The following TENM3 variants were observed in gnomAD, a reference collection of about 807,000 sequenced individuals.
TENM3 encodes the protein teneurin-3.
TENM3 carries 63 observed loss-of-function variants against 255.1 expected under a neutral mutation model. The observed-to-expected ratio is 0.25, with a 90% CI of 0.20 to 0.30. The LOEUF (loss-of-function observed/expected upper bound fraction) is 0.30. Among genes scored for constraint, TENM3 ranks in the 10% least tolerant of loss-of-function variants. The pLI is 1.00. For missense variants in TENM3, 2,929 were observed against 3,461.1 expected, an observed-to-expected ratio of 0.85 and a Z score of 3.86; for synonymous variants, 1,306 against 1,322.3, an observed-to-expected ratio of 0.99 and a Z score of 0.27.
intron 24 of TENM3, among the ~76,000 whole-genome samples, chr4:182,780,765 C>G (rs1015601888): frequency 1.5e-4 from 23 of 152,102 alleles, no homozygotes; most frequent in Admixed American, 3.3e-4. Flanking sequence ...TTGAAGAAGT[C>G]CTTCACATCC....
chr4:181,497,556 G>A, the TENM3 span, among the ~76,000 whole-genome samples: 5 of 152,140 alleles, frequency 3.3e-5, no homozygotes, highest in Non-Finnish European at 7.4e-5. Flanking sequence ...TGAATAAAGT[G>A]ATCATGAGGC....
At chr4:182,524,779 G>C (rs954896418) in intron 3 of TENM3, among the ~76,000 whole-genome samples, 7 of 148,974 alleles carry the variant, frequency 4.7e-5, no homozygotes, top group African/African-American at 1.5e-4. Context: ...AACTTTGGGA[G>C]GCCAAAGTGG....
the TENM3 span, among the ~76,000 whole-genome samples, chr4:181,753,241 C>T: frequency 0.014 from 2,119 of 152,228 alleles, 59 homozygotes; most frequent in African/African-American, 0.049. Context: ...CACAGAAATG[C>T]TTTAAAAGTG....
chr4:181,667,520 T>A, the TENM3 span, among the ~76,000 whole-genome samples: 2 of 152,108 alleles, frequency 1.3e-5, no homozygotes, highest in Non-Finnish European at 2.9e-5. Context: ...GCCTCTGCCC[T>A]CAAGTTGGAT....
At chr4:182,762,175 GT>G in intron 22 of TENM3, among the ~76,000 whole-genome samples, 1 of 152,344 alleles carries the variant, frequency 6.6e-6, no homozygotes, top group Admixed American at 6.5e-5. Context: ...TCCCTGGAGT[GT>G]GTTGATAGTT....
chr4:182,541,581 C>G (rs560367315), intron 3 of TENM3, among the ~76,000 whole-genome samples: 1 of 152,222 alleles, frequency 6.6e-6, no homozygotes, highest in Non-Finnish European at 1.5e-5. Context: ...GCTTAACATG[C>G]ATTATCTTAT....
intron 3 of TENM3, among the ~76,000 whole-genome samples, chr4:182,361,483 C>T (rs911174252): frequency 6.6e-6 from 1 of 152,188 alleles, no homozygotes; most frequent in African/African-American, 2.4e-5. Flanking sequence ...TCTTCTATCC[C>T]TGATACCCTT....
chr4:182,773,393 A>G (rs544274714), intron 22 of TENM3, 79 bp from the exon 23 acceptor site: 150 of 1,313,590 alleles, frequency 1.1e-4, no homozygotes, highest in Middle Eastern at 1.9e-4. Flanking sequence ...TGCAACTAAT[A>G]TTGCTACACA....
chr4:182,528,145 TCTCA>T (rs1458677424), intron 3 of TENM3, among the ~76,000 whole-genome samples: 1 of 152,142 alleles, frequency 6.6e-6, no homozygotes, highest in Non-Finnish European at 1.5e-5. Flanking sequence ...TTTGAGACAG[TCTCA>T]CTCTGTCGCC....
intron 24 of TENM3, among the ~76,000 whole-genome samples, chr4:182,777,141 C>G (rs1332463120): frequency 6.6e-6 from 1 of 152,058 alleles, no homozygotes; most frequent in Admixed American, 6.6e-5. Context: ...CCCACCAAGA[C>G]AGTGAGAATC....
At chr4:181,761,999 T>C in the TENM3 span, among the ~76,000 whole-genome samples, 6 of 152,220 alleles carry the variant, frequency 3.9e-5, no homozygotes, top group Non-Finnish European at 8.8e-5. Context: ...ACTTTGTTGG[T>C]CCATGTGGGC....
intron 13 of TENM3, among the ~76,000 whole-genome samples, chr4:182,727,258 T>A (rs1329009301): frequency 6.6e-6 from 1 of 151,990 alleles, no homozygotes; most frequent in Non-Finnish European, 1.5e-5. Flanking sequence ...GAGTTCGAGA[T>A]GAGCCTGGTC....
chr4:182,579,756 GA>G (rs1268726772), intron 3 of TENM3, among the ~76,000 whole-genome samples: 1 of 152,010 alleles, frequency 6.6e-6, no homozygotes. Flanking sequence ...ATTTTGCAGT[GA>G]ACCTTTAAAA....
chr4:181,541,998 G>A, the TENM3 span, among the ~76,000 whole-genome samples: 6,710 of 152,256 alleles, frequency 0.044, 225 homozygotes, highest in South Asian at 0.15. Flanking sequence ...TTCGACAAGC[G>A]TTAGCTGAGT....
chr4:181,705,222 A>G, the TENM3 span, among the ~76,000 whole-genome samples: 2 of 152,192 alleles, frequency 1.3e-5, no homozygotes, highest in Non-Finnish European at 2.9e-5. Flanking sequence ...AAATTGCAAG[A>G]GTGAAATATC....
At chr4:181,707,213 G>A in the TENM3 span, among the ~76,000 whole-genome samples, 9 of 152,148 alleles carry the variant, frequency 5.9e-5, no homozygotes, top group African/African-American at 1.4e-4. Flanking sequence ...AACAGGGCGC[G>A]AAATCTAAAA....
the TENM3 span, among the ~76,000 whole-genome samples, chr4:182,093,334 G>A: frequency 6.6e-6 from 1 of 152,126 alleles, no homozygotes; most frequent in African/African-American, 2.4e-5. Context: ...GGTGGCAGGA[G>A]CAGTACAGTT....
chr4:182,700,222 A>T (rs897830951), intron 12 of TENM3, among the ~76,000 whole-genome samples: 1 of 152,146 alleles, frequency 6.6e-6, no homozygotes, highest in Non-Finnish European at 1.5e-5. Context: ...GGGGTAAATA[A>T]AATGTTGGGA....
chr4:181,550,863 C>G, the TENM3 span, among the ~76,000 whole-genome samples: 1 of 152,158 alleles, frequency 6.6e-6, no homozygotes, highest in Non-Finnish European at 1.5e-5. Context: ...ATCTATCAGG[C>G]ACAAAGTCCA....
Sources: allele counts gnomAD v4.1 joint callset (sites outside exome capture counted in the v4.1 genomes callset), GRCh38; gene constraint gnomAD v4.1.1; transcripts MANE v1.5; gene names NCBI Gene and HGNC (gene_info 2026-07-23, HGNC 2026-07-21).